Variants in NEBL observed in about 807,000 individuals in gnomAD.
The protein encoded by NEBL is LIM and SH3 protein 2.
NEBL carries 122 observed loss-of-function variants against 140.2 expected under a neutral mutation model. That is an observed-to-expected ratio of 0.87 (90% CI 0.75 to 1.01). The LOEUF (loss-of-function observed/expected upper bound fraction) is 1.01. Among genes scored for constraint, NEBL ranks in the 50% least tolerant of loss-of-function variants. NEBL has a pLI of 0.00. For synonymous variants in NEBL, 436 were observed against 398.9 expected, an observed-to-expected ratio of 1.09 and a Z score of -1.11; for missense variants, 1,365 against 1,231.3, an observed-to-expected ratio of 1.11 and a Z score of -1.62.
At chr10:20,979,212 G>GT in intron 3 of NEBL, among the ~76,000 whole-genome samples, 1 of 152,188 alleles carries the variant, frequency 6.6e-6, no homozygotes, top group East Asian at 1.9e-4. Context: ...GAGACCAGGA[G>GT]TTGGAGACCA....
chr10:21,074,094 A>G (rs1214208913), intron 2 of NEBL, among the ~76,000 whole-genome samples: 2 of 151,992 alleles, frequency 1.3e-5, no homozygotes, highest in Non-Finnish European at 2.9e-5. Context: ...AGAAATACCT[A>G]CTATAGTTAT....
At chr10:21,105,631 G>C (rs964776955) in intron 2 of NEBL, among the ~76,000 whole-genome samples, 33 of 152,118 alleles carry the variant, frequency 2.2e-4, no homozygotes, top group African/African-American at 7.2e-4. Flanking sequence ...ATTGTAAATA[G>C]TACTGCAGTA....
chr10:20,902,507 T>C (rs912134169), intron 4 of NEBL, among the ~76,000 whole-genome samples: 4 of 152,000 alleles, frequency 2.6e-5, no homozygotes, highest in African/African-American at 9.7e-5. Context: ...TAGATGGATG[T>C]TGGAGGAAGT....
chr10:20,979,694 T>G (rs1254484020), intron 3 of NEBL, among the ~76,000 whole-genome samples: 1 of 152,176 alleles, frequency 6.6e-6, no homozygotes, highest in African/African-American at 2.4e-5. Flanking sequence ...TAACACAGTT[T>G]TTTTTAATTC....
intron 2 of NEBL, among the ~76,000 whole-genome samples, chr10:21,073,999 C>G (rs1057483030): frequency 1.3e-5 from 2 of 151,298 alleles, no homozygotes; most frequent in Admixed American, 1.3e-4. Flanking sequence ...GGCGTGAATC[C>G]GGGAGGTGGA....
intron 3 of NEBL, among the ~76,000 whole-genome samples, chr10:21,014,217 G>A (rs533436843): frequency 6.6e-6 from 1 of 152,128 alleles, no homozygotes; most frequent in East Asian, 1.9e-4. Context: ...TCAAATTCCT[G>A]GGCTCAAGTG....
intron 26 of NEBL, among the ~76,000 whole-genome samples, chr10:20,789,069 C>T (rs191281236): frequency 6.6e-5 from 10 of 152,290 alleles, no homozygotes; most frequent in Non-Finnish European, 1.5e-4. Context: ...AACAATTGCT[C>T]TCCTGGAGCA....
chr10:20,872,419 G>T (rs925603495), intron 5 of NEBL, among the ~76,000 whole-genome samples: 5 of 152,048 alleles, frequency 3.3e-5, no homozygotes, highest in African/African-American at 1.2e-4. Context: ...TATGTTGGGG[G>T]ACATTCAAGA....
chr10:21,036,972 C>T (rs1219166412), intron 2 of NEBL, among the ~76,000 whole-genome samples: 1 of 152,088 alleles, frequency 6.6e-6, no homozygotes, highest in Non-Finnish European at 1.5e-5. Context: ...CCAGAAACTC[C>T]AGAGGTTCTC....
At chr10:20,940,999 C>T (rs1277481916) in intron 4 of NEBL, among the ~76,000 whole-genome samples, 4 of 152,258 alleles carry the variant, frequency 2.6e-5, no homozygotes, top group Admixed American at 6.5e-5. Flanking sequence ...CCGAATTCTA[C>T]CAGAGGTACA....
At chr10:21,082,150 G>A (rs1366329890) in intron 2 of NEBL, among the ~76,000 whole-genome samples, 2 of 152,058 alleles carry the variant, frequency 1.3e-5, no homozygotes, top group Non-Finnish European at 2.9e-5. Context: ...ACTTAACTGG[G>A]CTTCAAAAGA....
At chr10:21,153,482 A>G (rs977773314) in intron 2 of NEBL, among the ~76,000 whole-genome samples, 1 of 151,444 alleles carries the variant, frequency 6.6e-6, no homozygotes, top group Non-Finnish European at 1.5e-5. Flanking sequence ...GGTGCCCACC[A>G]CTACACCTGG....
At chr10:20,834,977 G>T (rs981442934) in intron 14 of NEBL, among the ~76,000 whole-genome samples, 13 of 152,152 alleles carry the variant, frequency 8.5e-5, no homozygotes, top group African/African-American at 3.1e-4. Flanking sequence ...TCAGATGAAT[G>T]AACATGGTCG....
intron 3 of NEBL, among the ~76,000 whole-genome samples, chr10:20,980,608 G>T (rs535079659): frequency 6.6e-6 from 1 of 152,234 alleles, no homozygotes; most frequent in South Asian, 2.1e-4. Flanking sequence ...TAAAGTATCA[G>T]CCAGGGGCCC....
At chr10:21,263,877 A>C (rs915768822) in intron 1 of NEBL, among the ~76,000 whole-genome samples, 3 of 152,146 alleles carry the variant, frequency 2.0e-5, no homozygotes, top group African/African-American at 4.8e-5. Context: ...AAGCAGGAGA[A>C]TCACTTGAAC....
At chr10:20,864,918 G>GA (rs1329339297) in intron 7 of NEBL, among the ~76,000 whole-genome samples, 8 of 151,902 alleles carry the variant, frequency 5.3e-5, no homozygotes, top group Admixed American at 1.3e-4. Flanking sequence ...TATATGACAT[G>GA]AAAAAATGAA....
chr10:20,992,053 TG>T (rs1837477575), intron 3 of NEBL, among the ~76,000 whole-genome samples: 1 of 152,202 alleles, frequency 6.6e-6, no homozygotes, highest in Admixed American at 6.5e-5. Flanking sequence ...TCTTTGCCAT[TG>T]GGAATGGTGC....
At chr10:21,146,269 T>G in intron 2 of NEBL, 1 of 1,204,998 alleles carries the variant, frequency 8.3e-7, no homozygotes, top group East Asian at 2.4e-5. Context: ...TCAGGCAGCA[T>G]CATTTACATC....
At chr10:20,887,411 C>CTTT (rs36034071) in intron 4 of NEBL, among the ~76,000 whole-genome samples, 1,449 of 80,604 alleles carry the variant, frequency 0.018, 98 homozygotes, top group African/African-American at 0.065. Context: ...TGAATTCAAC[C>CTTT]TTTTTTTTTT....
Sources: gnomAD v4.1 joint callset for allele counts (sites outside exome capture counted in the v4.1 genomes callset) on GRCh38, gnomAD v4.1.1 for gene constraint, MANE v1.5 for transcripts, NCBI Gene and HGNC (gene_info 2026-07-23, HGNC 2026-07-21) for gene names.